The following PLAGL1 variants were observed in gnomAD, a reference collection of about 807,000 sequenced individuals.
The protein encoded by PLAGL1 is zinc finger protein PLAGL1.
In PLAGL1, 1 loss-of-function variant was observed where a neutral mutation model predicts 4.6. The observed-to-expected ratio is 0.22, with a 90% CI of 0.08 to 1.03. The LOEUF is 1.03. Ranked by LOEUF, PLAGL1 falls within the 50% of genes least tolerant of loss-of-function variation. The pLI is 0.58. For missense variants in PLAGL1, 464 were observed against 570.4 expected (o/e 0.81, Z 1.90); for synonymous variants, 240 against 237.8 (o/e 1.01, Z -0.08).
chr6:144,009,080 G>T (rs775331633), upstream of PLAGL1, among the ~76,000 whole-genome samples: 14 of 152,178 alleles, frequency 9.2e-5, no homozygotes, highest in Non-Finnish European at 1.5e-4. Flanking sequence ...GAGGTGTAAG[G>T]AGCTCACTAC....
rs1798336680 is a variant in PLAGL1 at position 144,048,436 on chromosome 6, T to G, written c.-151+16032A>C. 6.6e-6 allele frequency among the ~76,000 whole-genome samples: 1 copy of G among 152,254 alleles called. No homozygotes were observed. Among genetic ancestry groups the G allele is most frequent in the African/African-American group, 2.4e-5 (1 of 41,468 alleles). On this transcript the variant is annotated intron_variant, in intron 1 of 3. Transcript: ENST00000437412. This position sits in a 1 kb window ranked among gnomAD's most constrained non-coding sequence, Gnocchi z 4.8. The stretch of plus-strand genomic sequence containing the variant: ...TGAGAGCTCCACCCCTGCAGGAGAC[T>G]TCTGCCTGGACATTCAGGCATTTCC...
Position 144,016,135 on chromosome 6 carries a change from T to C in PLAGL1, c.-150-47157A>G, listed in dbSNP as rs1795550117. Among the ~76,000 whole-genome samples, 1 of 152,112 alleles carries C rather than the reference T, an allele frequency of 6.6e-6. No individual in the cohort carries two copies. The highest frequency in any genetic ancestry group is 6.5e-5 in the Admixed American group (1 of 15,278). On this transcript the variant is annotated intron_variant, in intron 1 of 3. Transcript: ENST00000437412. This position sits in a 1 kb window ranked among gnomAD's most constrained non-coding sequence, Gnocchi z 4.2. ...GTATATATATATATACACACACATA[T>C]ACATATGAGTTTATTAAGTATTAAC...
chr6:143,993,260 C>T (rs186047624), intron 1 of PLAGL1, among the ~76,000 whole-genome samples: 24 of 149,826 alleles, frequency 1.6e-4, no homozygotes, highest in Non-Finnish European at 2.4e-4. Flanking sequence ...GCCAAGATCG[C>T]GCCACTGCAC....
At position 143,948,397 on chromosome 6, in the gene PLAGL1, T is replaced by A; in HGVS notation, c.-261A>T. The A allele has an allele frequency of 2.4e-6, 1 of 423,510 alleles. No homozygotes were observed. Among genetic ancestry groups the A allele is most frequent in the South Asian group, 3.3e-5 (1 of 29,934 alleles). 26.2% of individuals were successfully genotyped at this position (423,510 alleles called of 1,614,324 possible). A position where few individuals can be genotyped will look rare whatever the true frequency, so the allele number is the denominator to read the frequency against. ...GAGAAAGTCTGAGGCACAGGTGCGA[T>A]TCAGGAGCAGAAAGGTAATCTGCAT... On this transcript the variant is annotated 5_prime_UTR_variant, in exon 7 of 8. Coordinates refer to ENST00000674357, the MANE Select transcript of PLAGL1 (RefSeq NM_001317162.2). The surrounding 1 kb of genome is among the most constrained non-coding windows in gnomAD (Gnocchi z 6.0).
chr6:143,993,946 T>G (rs1791098851), intron 1 of PLAGL1, among the ~76,000 whole-genome samples: 1 of 152,048 alleles, frequency 6.6e-6, no homozygotes, highest in Admixed American at 6.6e-5. Context: ...AAAACGATCC[T>G]TTGGCCCCCA....
chr6:143,987,435 G>T (rs1253053040), intron 1 of PLAGL1, among the ~76,000 whole-genome samples: 2 of 42,530 alleles, frequency 4.7e-5, no homozygotes, highest in East Asian at 1.0e-3. Context: ...CCACCACACT[G>T]GCTTTTTTTT....
In PLAGL1 at chr6:144,005,744, A is replaced by T. The variant is rs568063208; in HGVS notation, c.-584+2346T>A. On this transcript the variant is annotated intron_variant, in intron 1 of 7. Transcript: ENST00000674357. This position sits in a 1 kb window ranked among gnomAD's most constrained non-coding sequence, Gnocchi z 4.6. ...AATATAAATTTCTGCAATGATGGAA[A>T]TATTCTGTTCTATAATGTATAATGT... is the stretch of plus-strand genomic sequence containing the variant. The T allele has an allele frequency of 5.9e-5, 9 of 152,078 alleles. No homozygotes were observed. Among genetic ancestry groups the T allele is most frequent in the African/African-American group, 2.2e-4 (9 of 41,542 alleles). The allele number at this position is 152,078 out of a possible 1,614,324, so 9.4% of individuals were successfully genotyped here. A position where few individuals can be genotyped will look rare whatever the true frequency, so the allele number is the denominator to read the frequency against.
At position 143,948,140 on chromosome 6, in the gene PLAGL1, C is replaced by T; in HGVS notation, c.-4G>A. 1 of 1,612,640 alleles carries T rather than the reference C, an allele frequency of 6.2e-7. No individual in the cohort carries two copies. The highest frequency in any genetic ancestry group is 1.1e-5 in the South Asian group (1 of 91,004). ...ACTGGCAGGGGAACGTGGCCATGGGCTTTGCTTCTCACACCTTCCTTTTCA... is the reference window on the plus strand; with the variant it reads ...ACTGGCAGGGGAACGTGGCCATGGGTTTTGCTTCTCACACCTTCCTTTTCA... On this transcript the variant is annotated 5_prime_UTR_variant, in exon 7 of 8. Coordinates refer to ENST00000674357, the MANE Select transcript of PLAGL1 (RefSeq NM_001317162.2). This position sits in a 1 kb window ranked among gnomAD's most constrained non-coding sequence, Gnocchi z 6.0.
At chr6:144,003,308 A>G (rs1426851248) in intron 1 of PLAGL1, among the ~76,000 whole-genome samples, 6 of 152,214 alleles carry the variant, frequency 3.9e-5, no homozygotes, top group South Asian at 2.1e-4. Flanking sequence ...TTCTGGAGGA[A>G]AACAAAGGCA....
intron 1 of PLAGL1, among the ~76,000 whole-genome samples, chr6:144,038,412 C>G (rs1413444698): frequency 2.0e-5 from 3 of 152,128 alleles, no homozygotes; most frequent in Non-Finnish European, 2.9e-5. Context: ...AAGGGGCCAT[C>G]CTCCCTAATT....
In PLAGL1 at chr6:144,034,241, C is replaced by T. The variant is rs1797048742; in HGVS notation, c.-151+30227G>A. 6.6e-6 allele frequency among the ~76,000 whole-genome samples: 1 copy of T among 152,080 alleles called. No homozygotes were observed. The highest frequency in any genetic ancestry group is 6.5e-5 in the Admixed American group (1 of 15,272). On this transcript the variant is annotated intron_variant, in intron 1 of 3. Transcript: ENST00000437412. The surrounding 1 kb of genome is among the most constrained non-coding windows in gnomAD (Gnocchi z 4.7). The stretch of plus-strand genomic sequence containing the variant: ...GGGGTGCCTCATTCCAGGGCTCTTC[C>T]ATCTTTCTCTAGCTGCCAAGGCCCA...
chr6:143,988,200 G>A (rs1461594862), intron 1 of PLAGL1, among the ~76,000 whole-genome samples: 3 of 152,206 alleles, frequency 2.0e-5, no homozygotes, highest in Non-Finnish European at 4.4e-5. Context: ...TGGTTCCTCA[G>A]TGGTTCACCA....
chr6:144,040,399 C>T (rs1296208388), intron 1 of PLAGL1, among the ~76,000 whole-genome samples: 1 of 151,878 alleles, frequency 6.6e-6, no homozygotes, highest in East Asian at 1.9e-4. Context: ...CATGGTGGCA[C>T]ATGCTTGTAA....
Position 143,955,839 on chromosome 6 carries a change from A to G in PLAGL1, c.-325+4630T>C, listed in dbSNP as rs1782007898. ...AGAGAACACAGGCCTGCACAAGGAG[A>G]GAGGGCAGGTTCCAGTGACACTCTG... On this transcript the variant is annotated intron_variant, in intron 6 of 7. Transcript: ENST00000674357. The surrounding 1 kb of genome is among the most constrained non-coding windows in gnomAD (Gnocchi z 4.9). Among the ~76,000 whole-genome samples, 1 of 152,076 alleles carries G rather than the reference A, an allele frequency of 6.6e-6. No homozygotes were observed.
At chr6:144,031,227 T>C (rs1796800946) in intron 1 of PLAGL1, among the ~76,000 whole-genome samples, 1 of 152,248 alleles carries the variant, frequency 6.6e-6, no homozygotes, top group Admixed American at 6.5e-5. Flanking sequence ...TTTGTTTGAG[T>C]TCTTTGTAGA....
Position 144,034,352 on chromosome 6 carries a change from C to T in PLAGL1, c.-151+30116G>A, listed in dbSNP as rs1415175035. Among the ~76,000 whole-genome samples the T allele has an allele frequency of 6.6e-6, 1 of 152,188 alleles. No homozygotes were observed. Among genetic ancestry groups the T allele is most frequent in the Non-Finnish European group, 1.5e-5 (1 of 68,040 alleles). On this transcript the variant is annotated intron_variant, in intron 1 of 3. Coordinates refer to the PLAGL1 transcript ENST00000437412. This position sits in a 1 kb window ranked among gnomAD's most constrained non-coding sequence, Gnocchi z 4.7. ...CTGACTCAGGCTGCTGGGCACACAG[C>T]CCCCAGGCTGACTGGAAGACGGGGC...
chr6:144,041,643 A>C (rs1488443590), intron 1 of PLAGL1, among the ~76,000 whole-genome samples: 1 of 152,190 alleles, frequency 6.6e-6, no homozygotes, highest in Non-Finnish European at 1.5e-5. Flanking sequence ...CAATAAACAT[A>C]CAATATCTGC....
rs1216734849 is a variant in PLAGL1 at position 144,027,915 on chromosome 6, T to C, written c.-151+36553A>G. Among the ~76,000 whole-genome samples, 1 of 152,182 alleles carries C rather than the reference T, an allele frequency of 6.6e-6. No homozygotes were observed. The highest frequency in any genetic ancestry group is 1.5e-5 in the Non-Finnish European group (1 of 68,040). On this transcript the variant is annotated intron_variant, in intron 1 of 3. Coordinates refer to the PLAGL1 transcript ENST00000437412. The surrounding 1 kb of genome is among the most constrained non-coding windows in gnomAD (Gnocchi z 5.8). ...TTTCTCAGAGTGTCTTTCATTTTGA[T>C]ATGAGAATAAACAGATGCCTGGCAG...
At chr6:143,992,403 T>C (rs1790674823) in intron 1 of PLAGL1, among the ~76,000 whole-genome samples, 1 of 152,226 alleles carries the variant, frequency 6.6e-6, no homozygotes, top group South Asian at 2.1e-4. Flanking sequence ...TAAACTGTTT[T>C]TGAATGAAGC....
Sources: allele counts gnomAD v4.1 joint callset (sites outside exome capture counted in the v4.1 genomes callset), GRCh38; gene constraint gnomAD v4.1.1; non-coding constraint Gnocchi (gnomAD v3.1); transcripts MANE v1.5; gene names NCBI Gene and HGNC (gene_info 2026-07-23, HGNC 2026-07-21).